MGAT4C: variants seen among roughly 807,000 people sequenced by gnomAD.
MGAT4C encodes MGAT4 family member C, also known as alpha-1,3-mannosyl-glycoprotein 4-beta-N-acetylglucosaminyltransferase C.
A neutral mutation model predicts 40.1 loss-of-function variants in MGAT4C; 19 were observed. The ratio of observed to expected loss-of-function variants is 0.47; its 90% confidence interval spans 0.33 to 0.70. The LOEUF (loss-of-function observed/expected upper bound fraction) is 0.70, where lower values mean the gene tolerates loss of function less well. Ranked by LOEUF, MGAT4C falls within the 30% of genes least tolerant of loss-of-function variation. The probability of loss-of-function intolerance (pLI) is 0.02; values close to 1 mark genes in which losing one functional copy is unlikely to be tolerated. For missense variants in MGAT4C, 491 were observed against 563.2 expected (o/e 0.87, Z 1.30); for synonymous variants, 181 against 187.1 (o/e 0.97, Z 0.27).
rs537976132 is a variant in MGAT4C at position 86,750,397 on chromosome 12, A to G, written c.-261-23156T>C. Among the ~76,000 whole-genome samples the G allele has an allele frequency of 5.2e-4, 79 of 151,994 alleles. 1 individual carries two copies. The highest frequency in any genetic ancestry group is 9.1e-4 in the Non-Finnish European group (62 of 67,888). On this transcript the variant is annotated intron_variant, in intron 1 of 7. Coordinates refer to the MGAT4C transcript ENST00000548651. ...TAGTCACGGGCTATACTTTCTACCC[A>G]CTATTCCCAATCATTTTAAACTAGA...
chr12:86,745,948 A>G (rs1951145929), intron 1 of MGAT4C, among the ~76,000 whole-genome samples: 1 of 151,656 alleles, frequency 6.6e-6, no homozygotes, highest in South Asian at 2.1e-4. Flanking sequence ...GTCTATCTCT[A>G]AAAAAGGGAA....
At chr12:86,028,547 T>TG (rs1890452384) in intron 2 of MGAT4C, among the ~76,000 whole-genome samples, 1 of 151,954 alleles carries the variant, frequency 6.6e-6, no homozygotes, top group East Asian at 1.9e-4. Flanking sequence ...TAGGCCCAGG[T>TG]GTACCTCAGA....
intron 2 of MGAT4C, among the ~76,000 whole-genome samples, chr12:86,492,553 C>T (rs1958158610): frequency 6.6e-6 from 1 of 152,116 alleles, no homozygotes; most frequent in South Asian, 2.1e-4. Flanking sequence ...GGAAAGGATT[C>T]CCTATTTAAT....
chr12:86,516,225 T>C (rs1958685945), intron 2 of MGAT4C, among the ~76,000 whole-genome samples: 1 of 152,160 alleles, frequency 6.6e-6, no homozygotes, highest in African/African-American at 2.4e-5. Context: ...GTAATCAAGA[T>C]GACATGGTGC....
At chr12:86,303,935 A>C (rs1451302597) in intron 4 of MGAT4C, among the ~76,000 whole-genome samples, 2 of 150,120 alleles carry the variant, frequency 1.3e-5, no homozygotes, top group Non-Finnish European at 2.9e-5. Context: ...TCTCTCTCTC[A>C]ACCTCTATAT....
chr12:86,659,475 G>C (rs1963929056), intron 2 of MGAT4C, among the ~76,000 whole-genome samples: 1 of 152,106 alleles, frequency 6.6e-6, no homozygotes, highest in Admixed American at 6.6e-5. Context: ...CACTTGTGTA[G>C]TCTTGATCCA....
chr12:86,837,357 T>C (rs538440816), intron 1 of MGAT4C, among the ~76,000 whole-genome samples: 3 of 152,250 alleles, frequency 2.0e-5, no homozygotes, highest in South Asian at 4.1e-4. Context: ...AAAGAGAAAA[T>C]GCACTTAAAG....
At chr12:86,076,064 C>G (rs1318994321) in intron 1 of MGAT4C, among the ~76,000 whole-genome samples, 1 of 152,166 alleles carries the variant, frequency 6.6e-6, no homozygotes, top group Non-Finnish European at 1.5e-5. Flanking sequence ...CTCTGTTTCC[C>G]TTTTAAAACT....
chr12:86,116,236 G>T (rs2135665346), intron 1 of MGAT4C, among the ~76,000 whole-genome samples: 1 of 151,914 alleles, frequency 6.6e-6, no homozygotes, highest in Admixed American at 6.6e-5. Flanking sequence ...CAAGCATAGG[G>T]GTAGAAGTCG....
intron 1 of MGAT4C, among the ~76,000 whole-genome samples, chr12:86,127,998 G>T (rs1479972175): frequency 6.6e-6 from 1 of 152,128 alleles, no homozygotes; most frequent in African/African-American, 2.4e-5. Flanking sequence ...ACATAAACCA[G>T]TAACACAATC....
intron 1 of MGAT4C, among the ~76,000 whole-genome samples, chr12:86,164,545 A>G (rs1468704465): frequency 6.6e-6 from 1 of 152,178 alleles, no homozygotes; most frequent in Non-Finnish European, 1.5e-5. Context: ...TAAATAGTCA[A>G]ACTATTCTAA....
chr12:86,592,564 G>A (rs1593021961), intron 2 of MGAT4C, among the ~76,000 whole-genome samples: 1 of 152,022 alleles, frequency 6.6e-6, no homozygotes, highest in Non-Finnish European at 1.5e-5. Context: ...TTGTCAATGC[G>A]AGGCACATGC....
intron 1 of MGAT4C, among the ~76,000 whole-genome samples, chr12:86,186,408 G>A (rs1367284669): frequency 6.6e-6 from 1 of 152,116 alleles, no homozygotes; most frequent in Non-Finnish European, 1.5e-5. Flanking sequence ...GGCTTTCAGA[G>A]AATTGTTGTG....
chr12:86,442,002 C>T (rs995460491), intron 2 of MGAT4C, among the ~76,000 whole-genome samples: 9 of 152,102 alleles, frequency 5.9e-5, no homozygotes, highest in African/African-American at 2.2e-4. Flanking sequence ...CTCTCCAGCA[C>T]CTGTTGTTTC....
At chr12:86,768,094 A>T (rs1351103979) in intron 1 of MGAT4C, among the ~76,000 whole-genome samples, 1 of 152,194 alleles carries the variant, frequency 6.6e-6, no homozygotes, top group Non-Finnish European at 1.5e-5. Context: ...TTTGCAGATG[A>T]CATGATTGTA....
chr12:86,006,072 A>C (rs949893575), intron 2 of MGAT4C, among the ~76,000 whole-genome samples: 1 of 152,120 alleles, frequency 6.6e-6, no homozygotes, highest in Non-Finnish European at 1.5e-5. Context: ...TGCAAGCTGA[A>C]GCTCGACTAT....
intron 1 of MGAT4C, among the ~76,000 whole-genome samples, chr12:86,780,918 T>C (rs1002015773): frequency 6.6e-6 from 1 of 152,192 alleles, no homozygotes; most frequent in Non-Finnish European, 1.5e-5. Flanking sequence ...TATTTGACTT[T>C]CTGTTTCTGA....
chr12:86,689,517 A>T (rs1378639039), intron 2 of MGAT4C, among the ~76,000 whole-genome samples: 1 of 151,998 alleles, frequency 6.6e-6, no homozygotes, highest in Non-Finnish European at 1.5e-5. Flanking sequence ...CTTTTTGTTG[A>T]TGTTGATATT....
intron 2 of MGAT4C, among the ~76,000 whole-genome samples, chr12:86,712,229 T>C (rs1249041374): frequency 6.6e-6 from 1 of 152,240 alleles, no homozygotes; most frequent in South Asian, 2.1e-4. Flanking sequence ...ATTTTTGGAA[T>C]GTATACATAC....
Sources: gnomAD v4.1 joint callset for allele counts (sites outside exome capture counted in the v4.1 genomes callset) on GRCh38, gnomAD v4.1.1 for gene constraint, MANE v1.5 for transcripts, NCBI Gene and HGNC (gene_info 2026-07-23, HGNC 2026-07-21) for gene names.